Variants in SSH2 observed in about 807,000 individuals in gnomAD.
SSH2 encodes the protein slingshot protein phosphatase 2, also known as protein phosphatase Slingshot homolog 2.
A neutral mutation model predicts 135.2 loss-of-function variants in SSH2; 37 were observed. The ratio of observed to expected loss-of-function variants is 0.27; its 90% CI spans 0.21 to 0.36. SSH2 has a LOEUF of 0.36. SSH2 is among the 10% of genes least tolerant of loss of function. The probability of loss-of-function intolerance (pLI) is 1.00; values close to 1 mark genes in which losing one functional copy is unlikely to be tolerated. For synonymous variants in SSH2, 628 were observed against 646.2 expected (o/e 0.97, Z 0.43); for missense variants, 1,408 against 1,765.3 (o/e 0.80, Z 3.63).
intron 1 of SSH2, among the ~76,000 whole-genome samples, chr17:29,899,521 C>A (rs950978612): frequency 6.6e-6 from 1 of 152,114 alleles, no homozygotes; most frequent in Admixed American, 6.6e-5. Context: ...AGTGAACTCC[C>A]ATTCACAATT....
chr17:29,710,782 T>C (rs1006939248), intron 3 of SSH2, among the ~76,000 whole-genome samples: 15 of 152,220 alleles, frequency 9.9e-5, no homozygotes, highest in African/African-American at 3.4e-4. Flanking sequence ...AAAGTAACTG[T>C]TCCTTGATGT....
chr17:29,877,074 C>T (rs2066047479), intron 1 of SSH2, among the ~76,000 whole-genome samples: 1 of 152,080 alleles, frequency 6.6e-6, no homozygotes, highest in Admixed American at 6.5e-5. Context: ...CTTGAATAGA[C>T]ATTTCTCAAA....
intron 2 of SSH2, among the ~76,000 whole-genome samples, chr17:29,821,315 A>T (rs1458478309): frequency 6.6e-6 from 1 of 152,068 alleles, no homozygotes; most frequent in African/African-American, 2.4e-5. Context: ...GCTGGAGTGC[A>T]GTGGTGCAAT....
chr17:29,839,924 A>T (rs1181127759), intron 2 of SSH2, among the ~76,000 whole-genome samples: 1 of 152,220 alleles, frequency 6.6e-6, no homozygotes, highest in African/African-American at 2.4e-5. Context: ...ACCTTTAAAC[A>T]GGGACTACTA....
intron 2 of SSH2, among the ~76,000 whole-genome samples, chr17:29,814,982 G>A (rs965919124): frequency 3.0e-5 from 4 of 133,940 alleles, no homozygotes; most frequent in African/African-American, 8.4e-5. Flanking sequence ...GAATTTCACT[G>A]TTGATACCCA....
At position 29,695,356 on chromosome 17, in the gene SSH2, C is replaced by G. The variant is rs1490299259; in HGVS notation, c.357+103G>C. On this transcript the variant is annotated intron_variant, in intron 5 of 15. Coordinates refer to ENST00000540801, the MANE Select transcript of SSH2 (RefSeq NM_001282129.2). ...CCACATTATCTTCTCTCTTACTTCA[C>G]ATAGTTCCCAGCACTGTGTTGGGAT... 1.9e-5 allele frequency: 15 copies of G among 787,482 alleles called. No homozygotes were observed. The East Asian group carries it at 4.1e-4, about 22-fold the overall frequency. The allele number at this position is 787,482 out of a possible 1,614,324, so 48.8% of individuals were successfully genotyped here.
At chr17:29,710,845 G>A (rs1221572217) in intron 3 of SSH2, among the ~76,000 whole-genome samples, 1 of 152,196 alleles carries the variant, frequency 6.6e-6, no homozygotes, top group Non-Finnish European at 1.5e-5. Context: ...TGAAGAAAAT[G>A]TGATTCTGTA....
At chr17:29,668,367 A>C (rs2037360040) in intron 9 of SSH2, among the ~76,000 whole-genome samples, 1 of 152,200 alleles carries the variant, frequency 6.6e-6, no homozygotes, top group Non-Finnish European at 1.5e-5. Context: ...TAAAATTCTT[A>C]TCCATGCTTT....
chr17:29,684,274 G>A (rs1284801960), intron 6 of SSH2, among the ~76,000 whole-genome samples: 2 of 152,082 alleles, frequency 1.3e-5, no homozygotes, highest in African/African-American at 2.4e-5. Context: ...TTGAGGTCAG[G>A]AGTTTGAAAC....
chr17:29,861,621 T>G (rs2065766146), intron 1 of SSH2, among the ~76,000 whole-genome samples: 1 of 151,976 alleles, frequency 6.6e-6, no homozygotes, highest in Non-Finnish European at 1.5e-5. Context: ...TAGAGTGCAG[T>G]GGTGCGATCT....
Position 29,929,931 on chromosome 17 carries a change from G to A in SSH2, c.63+7C>T. ...AGCAAGCGGAGCGGCCGCCAGGAAG[G>A]ACTCACCGAGGCGCAGGGGCTGGAG... On this transcript the variant is annotated splice_region_variant and intron_variant, in intron 1 of 15. Transcript: ENST00000540801. 1 of 1,595,638 alleles carries A rather than the reference G, an allele frequency of 6.3e-7. No homozygotes were observed. Among genetic ancestry groups the A allele is most frequent in the Non-Finnish European group, 8.5e-7 (1 of 1,171,934 alleles).
At chr17:29,850,181 G>A (rs1423264412) in intron 1 of SSH2, among the ~76,000 whole-genome samples, 2 of 152,126 alleles carry the variant, frequency 1.3e-5, no homozygotes, top group Non-Finnish European at 2.9e-5. Flanking sequence ...AGACAAAGGA[G>A]TGAAATAATT....
chr17:29,900,584 A>G (rs1165540285), intron 1 of SSH2, among the ~76,000 whole-genome samples: 2 of 152,228 alleles, frequency 1.3e-5, no homozygotes, highest in Non-Finnish European at 2.9e-5. Context: ...ATGAGATACC[A>G]TCTCACACCA....
intron 2 of SSH2, chr17:29,839,135 A>T (rs1347617594): frequency 6.6e-6 from 1 of 152,266 alleles, no homozygotes; most frequent in Non-Finnish European, 1.5e-5. Context: ...CCAGGCTTCC[A>T]TCACCATGGC....
chr17:29,646,883 T>G (rs1405970003), intron 14 of SSH2, among the ~76,000 whole-genome samples: 3 of 152,170 alleles, frequency 2.0e-5, no homozygotes, highest in African/African-American at 7.2e-5. Flanking sequence ...TTCTGCTGAT[T>G]TGTCACATGA....
intron 2 of SSH2, among the ~76,000 whole-genome samples, chr17:29,846,680 T>G (rs1215707888): frequency 6.6e-6 from 1 of 152,214 alleles, no homozygotes; most frequent in Middle Eastern, 3.2e-3. Flanking sequence ...AATACGTGAA[T>G]GAGGTCCTGA....
chr17:29,871,516 CA>C (rs1480851084), intron 1 of SSH2, among the ~76,000 whole-genome samples: 1 of 152,108 alleles, frequency 6.6e-6, no homozygotes, highest in African/African-American at 2.4e-5. Flanking sequence ...CATTTGTAGG[CA>C]ATTCTTTTTC....
At chr17:29,819,171 A>C (rs896421482) in intron 2 of SSH2, among the ~76,000 whole-genome samples, 1 of 152,060 alleles carries the variant, frequency 6.6e-6, no homozygotes, top group Non-Finnish European at 1.5e-5. Flanking sequence ...GGTTGTGGTG[A>C]GCCAAGATCG....
At chr17:29,887,837 T>A (rs1451566773) in intron 1 of SSH2, among the ~76,000 whole-genome samples, 1 of 152,240 alleles carries the variant, frequency 6.6e-6, no homozygotes, top group Non-Finnish European at 1.5e-5. Context: ...TATTTTAATG[T>A]AATTTAATGT....
Sources: gnomAD v4.1 joint callset for allele counts (sites outside exome capture counted in the v4.1 genomes callset) on GRCh38, gnomAD v4.1.1 for gene constraint, MANE v1.5 for transcripts, NCBI Gene and HGNC (gene_info 2026-07-23, HGNC 2026-07-21) for gene names.